The following SPMIP2 variants were observed in gnomAD, a reference collection of about 807,000 sequenced individuals.
SPMIP2 encodes the protein sperm microtubule inner protein 2, also known as protein SPMIP2.
chr4:158,898,730 T>C, the SPMIP2 span, among the ~76,000 whole-genome samples: 1 of 152,210 alleles, frequency 6.6e-6, no homozygotes, highest in Non-Finnish European at 1.5e-5. Flanking sequence ...TAAGGAGATT[T>C]TGGGCTGAAA....
chr4:159,063,628 T>C, the SPMIP2 span, among the ~76,000 whole-genome samples: 2 of 152,104 alleles, frequency 1.3e-5, no homozygotes, highest in Non-Finnish European at 2.9e-5. Flanking sequence ...GCTCTTTTCA[T>C]TGAGAGTTCA....
At chr4:158,948,674 G>A in the SPMIP2 span, among the ~76,000 whole-genome samples, 1 of 151,504 alleles carries the variant, frequency 6.6e-6, no homozygotes, top group Non-Finnish European at 1.5e-5. Flanking sequence ...GAGGGCAGTG[G>A]GATGTTTGAC....
the SPMIP2 span, among the ~76,000 whole-genome samples, chr4:159,000,015 C>A: frequency 6.6e-6 from 1 of 151,974 alleles, no homozygotes; most frequent in Admixed American, 6.6e-5. Context: ...TGGTTAACTT[C>A]AATTTCTTTC....
chr4:159,017,356 T>TACACAC, the SPMIP2 span, among the ~76,000 whole-genome samples: 6,492 of 149,280 alleles, frequency 0.043, 337 homozygotes, highest in African/African-American at 0.12. Flanking sequence ...CACAAACACA[T>TACACAC]ACACACACAC....
the SPMIP2 span, among the ~76,000 whole-genome samples, chr4:158,999,974 A>G: frequency 2.0e-5 from 3 of 152,214 alleles, 1 homozygote; most frequent in South Asian, 6.2e-4. Flanking sequence ...CCACTGGCAT[A>G]GAGAACTTGG....
At chr4:158,909,099 A>G in the SPMIP2 span, among the ~76,000 whole-genome samples, 1 of 152,334 alleles carries the variant, frequency 6.6e-6, no homozygotes, top group Admixed American at 6.5e-5. Context: ...TTATATTGGT[A>G]TGATATAAAT....
the SPMIP2 span, among the ~76,000 whole-genome samples, chr4:159,042,739 T>C: frequency 6.6e-6 from 1 of 152,210 alleles, no homozygotes; most frequent in South Asian, 2.1e-4. Flanking sequence ...CTCTGCTCAC[T>C]ACAACCTCTG....
At chr4:158,987,541 AC>A in the SPMIP2 span, among the ~76,000 whole-genome samples, 1 of 151,964 alleles carries the variant, frequency 6.6e-6, no homozygotes, top group African/African-American at 2.4e-5. Flanking sequence ...GACAAACCAA[AC>A]ACCGCATGTT....
At chr4:158,968,706 T>A in the SPMIP2 span, among the ~76,000 whole-genome samples, 1 of 152,234 alleles carries the variant, frequency 6.6e-6, no homozygotes, top group Non-Finnish European at 1.5e-5. Flanking sequence ...ATCATCACAG[T>A]ACCATTCTTA....
chr4:159,035,239 T>C, the SPMIP2 span: 8 of 637,182 alleles, frequency 1.3e-5, no homozygotes, highest in Admixed American at 2.0e-4. Flanking sequence ...TGACTCTTTA[T>C]GACAGGGAGA....
At chr4:158,967,051 G>A in the SPMIP2 span, among the ~76,000 whole-genome samples, 28,420 of 152,016 alleles carry the variant, frequency 0.19, 2,929 homozygotes, top group East Asian at 0.35. Context: ...CGGTACAGAG[G>A]GTACACATCA....
At chr4:158,902,958 C>T in the SPMIP2 span, among the ~76,000 whole-genome samples, 1 of 152,210 alleles carries the variant, frequency 6.6e-6, no homozygotes, top group Non-Finnish European at 1.5e-5. Context: ...GACCACTCGG[C>T]TCCCTGGCTT....
the SPMIP2 span, among the ~76,000 whole-genome samples, chr4:159,072,910 GA>G: frequency 2.0e-5 from 3 of 152,114 alleles, no homozygotes; most frequent in African/African-American, 7.2e-5. Context: ...TTAATTGTAG[GA>G]AGGTAAACTA....
At chr4:158,943,521 T>C in the SPMIP2 span, among the ~76,000 whole-genome samples, 1 of 152,218 alleles carries the variant, frequency 6.6e-6, no homozygotes, top group Non-Finnish European at 1.5e-5. Context: ...CACTGAATTA[T>C]ACAATTAAAA....
At chr4:158,975,715 T>C in the SPMIP2 span, among the ~76,000 whole-genome samples, 2 of 152,208 alleles carry the variant, frequency 1.3e-5, no homozygotes, top group Non-Finnish European at 2.9e-5. Flanking sequence ...GTACTATAGT[T>C]TGAAGTCAGG....
chr4:158,929,379 G>A, the SPMIP2 span, among the ~76,000 whole-genome samples: 1 of 152,212 alleles, frequency 6.6e-6, no homozygotes, highest in Non-Finnish European at 1.5e-5. Flanking sequence ...CATAGTCATT[G>A]ATTTGGTAGG....
At chr4:158,996,122 T>C in the SPMIP2 span, among the ~76,000 whole-genome samples, 1 of 152,162 alleles carries the variant, frequency 6.6e-6, no homozygotes, top group South Asian at 2.1e-4. Flanking sequence ...CATAGTAATA[T>C]TTGCTGAAAG....
chr4:158,956,806 C>T, the SPMIP2 span, among the ~76,000 whole-genome samples: 1 of 152,342 alleles, frequency 6.6e-6, no homozygotes. Flanking sequence ...AAAAGCTCAA[C>T]TGAACCTTTC....
the SPMIP2 span, among the ~76,000 whole-genome samples, chr4:158,928,577 C>A: frequency 6.6e-6 from 1 of 152,150 alleles, no homozygotes; most frequent in African/African-American, 2.4e-5. Context: ...CAAAACAGAC[C>A]ACTCAGCTCT....
Sources: gnomAD v4.1 joint callset for allele counts (sites outside exome capture counted in the v4.1 genomes callset) on GRCh38, gnomAD v4.1.1 for gene constraint, MANE v1.5 for transcripts, NCBI Gene and HGNC (gene_info 2026-07-23, HGNC 2026-07-21) for gene names.